The following DCUN1D3 variants were observed in gnomAD, a reference collection of about 807,000 sequenced individuals.
DCUN1D3 encodes the protein defective in cullin neddylation 1 domain containing 3, also known as DCN1-like protein 3.
Under a neutral mutation model 24.8 loss-of-function variants are expected in DCUN1D3, and 6 were observed. The observed-to-expected ratio is 0.24, with a 90% CI of 0.13 to 0.48. The LOEUF (loss-of-function observed/expected upper bound fraction) is 0.48. Ranked by LOEUF, DCUN1D3 falls within the 20% of genes least tolerant of loss-of-function variation. The pLI, the probability that DCUN1D3 is intolerant of heterozygous loss-of-function variation, is 0.99. For synonymous variants in DCUN1D3, 120 were observed against 144.9 expected (o/e 0.83, Z 1.24); for missense variants, 258 against 379.4 (o/e 0.68, Z 2.66).
chr16:20,874,229 A>G (rs1322375336), intron 1 of DCUN1D3, among the ~76,000 whole-genome samples: 3 of 152,248 alleles, frequency 2.0e-5, no homozygotes, highest in Admixed American at 2.0e-4. Context: ...CTAGTCGAAT[A>G]TATCATAGGA....
chr16:20,858,355 G>A lies in DCUN1D3; in HGVS notation c.*1531C>T, dbSNP rs541647491. On this transcript the variant is annotated 3_prime_UTR_variant, in exon 3 of 3. Coordinates refer to ENST00000324344, the MANE Select transcript of DCUN1D3 (RefSeq NM_173475.4). ...CCCTCCCTCTTGTGAGGAAAGGGCT[G>A]AGCAAACTCATGTTCTCTTTAGTGA... 6.5e-6 allele frequency: 1 copy of A among 152,672 alleles called. No homozygotes were observed. Among genetic ancestry groups the A allele is most frequent in the South Asian group, 2.1e-4 (1 of 4,832 alleles). 9.5% of individuals were successfully genotyped at this position (152,672 alleles called of 1,614,324 possible).
chr16:20,881,223 G>A (rs2081841914), intron 1 of DCUN1D3, among the ~76,000 whole-genome samples: 1 of 152,160 alleles, frequency 6.6e-6, no homozygotes, highest in Non-Finnish European at 1.5e-5. Flanking sequence ...GGGCAACACA[G>A]CGATACTCTG....
chr16:20,875,820 C>G (rs1323171476), intron 1 of DCUN1D3, among the ~76,000 whole-genome samples: 5 of 151,782 alleles, frequency 3.3e-5, no homozygotes, highest in Admixed American at 3.3e-4. Context: ...GCAAAGTAAA[C>G]AATCAACAAT....
intron 1 of DCUN1D3, among the ~76,000 whole-genome samples, chr16:20,895,873 T>C (rs2081913427): frequency 6.6e-6 from 1 of 152,196 alleles, no homozygotes; most frequent in African/African-American, 2.4e-5. Flanking sequence ...GTCATTACCA[T>C]TGTTTCAATC....
chr16:20,888,353 G>C (rs1191342044), intron 1 of DCUN1D3, among the ~76,000 whole-genome samples: 1 of 152,258 alleles, frequency 6.6e-6, no homozygotes, highest in African/African-American at 2.4e-5. Context: ...GGCTTAGAGA[G>C]AGAAATGGCT....
At position 20,859,742 on chromosome 16, in the gene DCUN1D3, T is replaced by C; in HGVS notation, c.*144A>G. The C allele has an allele frequency of 8.5e-7, 1 of 1,172,718 alleles. No homozygotes were observed. 72.6% of individuals were successfully genotyped at this position (1,172,718 alleles called of 1,614,324 possible). A position where few individuals can be genotyped will look rare whatever the true frequency, so the allele number is the denominator to read the frequency against. ...AAAGTGCCTAAAACATGATACAGCA[T>C]TTTAGAGCCCTTTCAGATACAAGGC... On this transcript the variant is annotated 3_prime_UTR_variant, in exon 3 of 3. Coordinates refer to ENST00000324344, the MANE Select transcript of DCUN1D3 (RefSeq NM_173475.4).
In DCUN1D3 at chr16:20,870,913, C is replaced by T. The variant is rs1360379601; in HGVS notation, c.-105-8270G>A. 2.6e-5 allele frequency among the ~76,000 whole-genome samples: 4 copies of T among 152,174 alleles called. No homozygotes were observed. The East Asian group carries it at 5.8e-4, about 22-fold the overall frequency. On this transcript the variant is annotated intron_variant, in intron 1 of 2. Transcript: ENST00000324344. Reference sequence around the variant, plus strand: ...TTTCTACAGCTGCCAGGGGCTGAGGCGGTTGTACTGGCACAGCCATCCTCC... The same window carrying T: ...TTTCTACAGCTGCCAGGGGCTGAGGTGGTTGTACTGGCACAGCCATCCTCC...
intron 1 of DCUN1D3, among the ~76,000 whole-genome samples, chr16:20,870,736 G>C (rs1342584289): frequency 6.6e-6 from 1 of 152,148 alleles, no homozygotes; most frequent in African/African-American, 2.4e-5. Flanking sequence ...AGATGCTGGT[G>C]CTCCTACATA....
In DCUN1D3 at chr16:20,862,361, C is replaced by A. The variant is rs150849224; in HGVS notation, c.178G>T (p.Glu60Ter). 1 of 1,614,064 alleles carries A rather than the reference C, an allele frequency of 6.2e-7. No homozygotes were observed. The highest frequency in any genetic ancestry group is 8.5e-7 in the Non-Finnish European group (1 of 1,180,032). ...DILVNGTKKA[E>*]AATEACQLPT... ...AGCTGGCAGGCCTCAGTGGCAGCCT[C>A]GGCCTTCTTGGTCCCGTTGACGAGG... The change falls in exon 2 of 3, where the codon GAG becomes TAG. Residue 60 changes from glutamate to a stop codon, truncating the protein, a stop_gained. Coordinates refer to ENST00000324344, the MANE Select transcript of DCUN1D3 (RefSeq NM_173475.4). LOFTEE classifies it high-confidence loss of function.
At chr16:20,878,873 G>A (rs1221796148) in intron 1 of DCUN1D3, among the ~76,000 whole-genome samples, 1 of 152,102 alleles carries the variant, frequency 6.6e-6, no homozygotes, top group Non-Finnish European at 1.5e-5. Context: ...ACATGACTGC[G>A]AGAAAGGCCA....
In DCUN1D3 at chr16:20,862,628, A is replaced by G. The variant is rs2081739540; in HGVS notation, c.-90T>C. ...CATGTACCTCAACATGCCATCAGCC[A>G]GAGGAGCCAGCCAACCTGGAAGGAA... On this transcript the variant is annotated 5_prime_UTR_variant, in exon 2 of 3. Coordinates refer to ENST00000324344, the MANE Select transcript of DCUN1D3 (RefSeq NM_173475.4). 2 of 1,519,934 alleles carry G rather than the reference A, an allele frequency of 1.3e-6. No individual in the cohort carries two copies. The highest frequency in any genetic ancestry group is 1.7e-6 in the Non-Finnish European group (2 of 1,144,780). 94.2% of individuals were successfully genotyped at this position (1,519,934 alleles called of 1,614,324 possible). A position where few individuals can be genotyped will look rare whatever the true frequency, so the allele number is the denominator to read the frequency against.
intron 1 of DCUN1D3, among the ~76,000 whole-genome samples, chr16:20,872,532 G>A (rs1357139263): frequency 2.0e-5 from 3 of 150,752 alleles, no homozygotes; most frequent in Non-Finnish European, 4.4e-5. Flanking sequence ...TTTTCCCCAC[G>A]ATGGAGGTTG....
intron 1 of DCUN1D3, among the ~76,000 whole-genome samples, chr16:20,893,918 G>C (rs558172247): frequency 1.3e-5 from 2 of 152,314 alleles, no homozygotes; most frequent in Admixed American, 1.3e-4. Context: ...GAATGATAGA[G>C]AGCTAAAAGC....
At chr16:20,896,323 C>A (rs1567432146) in intron 1 of DCUN1D3, 1 of 152,194 alleles carries the variant, frequency 6.6e-6, no homozygotes, top group African/African-American at 2.4e-5. Flanking sequence ...ACTCCAATAG[C>A]AAGTGGCATC....
chr16:20,876,053 A>AC (rs1223643458), intron 1 of DCUN1D3, among the ~76,000 whole-genome samples: 1 of 151,928 alleles, frequency 6.6e-6, no homozygotes, highest in African/African-American at 2.4e-5. Context: ...GCAACCAATC[A>AC]CCTCCGAGGT....
At chr16:20,874,144 G>C (rs1485759573) in intron 1 of DCUN1D3, among the ~76,000 whole-genome samples, 1 of 152,140 alleles carries the variant, frequency 6.6e-6, no homozygotes, top group Non-Finnish European at 1.5e-5. Flanking sequence ...TCTATTCAGA[G>C]AGCAAAGAGA....
intron 1 of DCUN1D3, among the ~76,000 whole-genome samples, chr16:20,881,485 T>G (rs2081843335): frequency 6.6e-6 from 1 of 152,196 alleles, no homozygotes; most frequent in Admixed American, 6.5e-5. Flanking sequence ...TTTTTTCCCA[T>G]TTTGTTTTTA....
intron 1 of DCUN1D3, among the ~76,000 whole-genome samples, chr16:20,890,909 C>CA (rs1483226314): frequency 6.7e-6 from 1 of 148,168 alleles, no homozygotes; most frequent in Admixed American, 6.7e-5. Context: ...AGCACCTGGT[C>CA]AAAATTTTTT....
chr16:20,874,760 C>T (rs961958769), intron 1 of DCUN1D3, among the ~76,000 whole-genome samples: 1 of 152,134 alleles, frequency 6.6e-6, no homozygotes, highest in East Asian at 1.9e-4. Flanking sequence ...CATGTTTGCA[C>T]ATCTTTATTT....
Sources: allele counts gnomAD v4.1 joint callset (sites outside exome capture counted in the v4.1 genomes callset), GRCh38; gene constraint gnomAD v4.1.1; transcripts MANE v1.5; gene names NCBI Gene and HGNC (gene_info 2026-07-23, HGNC 2026-07-21).